RBM20: variants seen among roughly 807,000 people sequenced by gnomAD.
The protein encoded by RBM20 is RNA binding motif protein 20.
In RBM20, 51 loss-of-function variants were observed where a neutral mutation model predicts 110.1. The observed-to-expected ratio is 0.46, with a 90% CI of 0.37 to 0.59. The LOEUF is 0.59. RBM20 is among the 20% of genes least tolerant of loss of function. The probability of loss-of-function intolerance (pLI) is 0.00; values close to 1 mark genes in which losing one functional copy is unlikely to be tolerated. For missense variants in RBM20, 1,512 were observed against 1,574.9 expected (o/e 0.96, Z 0.68); for synonymous variants, 589 against 618.2 (o/e 0.95, Z 0.70).
intron 1 of RBM20, among the ~76,000 whole-genome samples, chr10:110,653,286 CA>C: frequency 6.6e-6 from 1 of 152,338 alleles, no homozygotes; most frequent in South Asian, 2.1e-4. Flanking sequence ...AAATTTGTTT[CA>C]ACCAAGGATA....
intron 1 of RBM20, among the ~76,000 whole-genome samples, chr10:110,750,341 G>C (rs1590653460): frequency 6.6e-6 from 1 of 152,146 alleles, no homozygotes; most frequent in Non-Finnish European, 1.5e-5. Context: ...TCAGCAAGCT[G>C]CGTCCATGGG....
chr10:110,740,583 T>C (rs777541836), intron 1 of RBM20, among the ~76,000 whole-genome samples: 31 of 151,876 alleles, frequency 2.0e-4, no homozygotes, highest in Admixed American at 1.5e-3. Context: ...CTCCTTCCCT[T>C]CCCCCATGTC....
rs61629487 is a variant in RBM20, at chr10:110,718,608, C to CTTTTTTTTTTTTTTTTTTTTT, written c.192-62180_192-62179insTTTTTTTTTTTTTTTTTTTTT. Among the ~76,000 whole-genome samples, 91 of 101,544 alleles carry CTTTTTTTTTTTTTTTTTTTTT rather than the reference C, an allele frequency of 9.0e-4. 1 individual carries two copies. The highest frequency in any genetic ancestry group is 1.1e-3 in the Non-Finnish European group (59 of 52,596). 66.6% of individuals were successfully genotyped at this position (101,544 alleles called of 152,430 possible). ...TTAATACATATAATTCTACTCCATT[C>CTTTTTTTTTTTTTTTTTTTTT]TTTTTTTTTTTTTCTTTTTTTTTTT... On this transcript the variant is annotated intron_variant, in intron 1 of 13. Coordinates refer to ENST00000369519, the MANE Select transcript of RBM20 (RefSeq NM_001134363.3).
chr10:110,761,331 A>G (rs1843999517), intron 1 of RBM20: 2 of 144,916 alleles, frequency 1.4e-5, no homozygotes. Flanking sequence ...TATGTTCTCC[A>G]ATAGGATTTC....
intron 7 of RBM20, 119 bp downstream of exon 7, chr10:110,800,037 A>G: frequency 1.0e-6 from 1 of 964,256 alleles, no homozygotes; most frequent in Non-Finnish European, 1.6e-6. Context: ...TTCAGAAATT[A>G]CACACTGCCT....
At chr10:110,802,555 G>T (rs1490573133) in intron 7 of RBM20, among the ~76,000 whole-genome samples, 2 of 152,148 alleles carry the variant, frequency 1.3e-5, no homozygotes, top group Admixed American at 1.3e-4. Context: ...CAAATGAGAT[G>T]TTGTCATAAG....
Position 110,781,769 on chromosome 10 carries a change from C to A in RBM20, c.1160C>A (p.Ala387Glu). The A allele has an allele frequency of 6.4e-7, 1 of 1,551,830 alleles. No homozygotes were observed. The change falls in exon 2 of 14, where the codon GCG becomes GAG. Residue 387 changes from alanine (A) to glutamate (E), a missense_variant. Transcript: ENST00000369519. Reference protein sequence around the residue: ...GAGRRAKEDQALLSVRPLQAH... With the variant: ...GAGRRAKEDQELLSVRPLQAH... ...GGGCGGAGGGCCAAGGAGGACCAGG[C>A]GTTGCTATCTGTGCGGCCCCTGCAG...
At chr10:110,763,650 C>T (rs999121756) in intron 1 of RBM20, among the ~76,000 whole-genome samples, 3 of 151,212 alleles carry the variant, frequency 2.0e-5, no homozygotes, top group Non-Finnish European at 4.4e-5. Flanking sequence ...GGCAGGAGAA[C>T]GGTGGCTCCT....
At chr10:110,812,969 A>T in intron 9 of RBM20, 22 bp downstream of exon 9, 1 of 1,415,772 alleles carries the variant, frequency 7.1e-7, no homozygotes, top group Non-Finnish European at 9.3e-7. Flanking sequence ...TTTCTTCCCC[A>T]GGTAAGGCGA....
intron 1 of RBM20, among the ~76,000 whole-genome samples, chr10:110,733,359 G>C (rs1480809432): frequency 6.6e-6 from 1 of 152,228 alleles, no homozygotes; most frequent in Non-Finnish European, 1.5e-5. Context: ...TTGAGAAGGA[G>C]GATGAGGTGA....
At chr10:110,774,047 A>G (rs1257866702) in intron 1 of RBM20, among the ~76,000 whole-genome samples, 9 of 152,208 alleles carry the variant, frequency 5.9e-5, no homozygotes, top group Non-Finnish European at 1.3e-4. Flanking sequence ...TTGGCCTTAC[A>G]GTTTAAAAAC....
In RBM20 at chr10:110,652,139, A is replaced by C. The variant is rs145240504; in HGVS notation, c.191+7494A>C. Among the ~76,000 whole-genome samples the C allele has an allele frequency of 6.2e-4, 95 of 152,372 alleles. 2 individuals are homozygous for C. The East Asian group carries it at 0.017, about 27-fold the overall frequency. ...GTATAAGGTCATGTACTACTCAGCC[A>C]TTAGAATGATGCTGCTATTTTGCAT... On this transcript the variant is annotated intron_variant, in intron 1 of 13. Transcript: ENST00000369519.
chr10:110,767,203 G>T (rs549783072), intron 1 of RBM20, among the ~76,000 whole-genome samples: 9 of 130,928 alleles, frequency 6.9e-5, no homozygotes, highest in African/African-American at 2.6e-4. Flanking sequence ...GCGGCTGGCC[G>T]GGCGGGGGGG....
chr10:110,783,528 C>G (rs1844381064), intron 3 of RBM20, 101 bp downstream of exon 3: 1 of 898,168 alleles, frequency 1.1e-6, no homozygotes, highest in South Asian at 1.5e-5. Flanking sequence ...GGGGCAATAG[C>G]AGAGACCAGA....
At chr10:110,753,284 C>T (rs1179640567) in intron 1 of RBM20, among the ~76,000 whole-genome samples, 2 of 152,022 alleles carry the variant, frequency 1.3e-5, no homozygotes, top group Non-Finnish European at 2.9e-5. Context: ...CTTTCATTTC[C>T]CATAGAGTAA....
chr10:110,830,196 C>T lies in RBM20; in HGVS notation c.3452-865C>T, dbSNP rs73360829. On this transcript the variant is annotated intron_variant, in intron 12 of 13. Transcript: ENST00000369519. ...TTTCCACTCCACTGACTGACCGTGTCTTCAAAAGGAGAACTGTGACCTGCA... is the reference window on the plus strand; with the variant it reads ...TTTCCACTCCACTGACTGACCGTGTTTTCAAAAGGAGAACTGTGACCTGCA... 3.3e-3 allele frequency among the ~76,000 whole-genome samples: 508 copies of T among 152,304 alleles called. 3 individuals carry two copies. Among genetic ancestry groups the T allele is most frequent in the African/African-American group, 0.012 (479 of 41,568 alleles).
chr10:110,740,407 C>A (rs370719807), intron 1 of RBM20, among the ~76,000 whole-genome samples: 1 of 152,028 alleles, frequency 6.6e-6, no homozygotes. Context: ...GGGGTAGTAC[C>A]AGCTTGGTCT....
At chr10:110,829,451 G>A (rs1431702036) in intron 12 of RBM20, among the ~76,000 whole-genome samples, 2 of 152,204 alleles carry the variant, frequency 1.3e-5, no homozygotes, top group Non-Finnish European at 2.9e-5. Context: ...GGCATGGCGT[G>A]TAGCCTGCAA....
intron 1 of RBM20, among the ~76,000 whole-genome samples, chr10:110,721,400 C>T (rs533169215): frequency 1.3e-5 from 2 of 152,330 alleles, no homozygotes; most frequent in South Asian, 4.1e-4. Flanking sequence ...TACCTTCCCT[C>T]CAGTGGGCCT....
Sources: allele counts gnomAD v4.1 joint callset (sites outside exome capture counted in the v4.1 genomes callset), GRCh38; gene constraint gnomAD v4.1.1; transcripts MANE v1.5; gene names NCBI Gene and HGNC (gene_info 2026-07-23, HGNC 2026-07-21).